The following PIKFYVE variants were observed in gnomAD, a reference collection of about 807,000 sequenced individuals.
The protein encoded by PIKFYVE is 1-phosphatidylinositol 3-phosphate 5-kinase.
PIKFYVE carries 122 observed loss-of-function variants against 257.9 expected under a neutral mutation model. The ratio of observed to expected loss-of-function variants is 0.47; its 90% confidence interval spans 0.41 to 0.55. The LOEUF (loss-of-function observed/expected upper bound fraction) is 0.55. PIKFYVE is among the 20% of genes least tolerant of loss of function. PIKFYVE has a pLI of 0.00. For missense variants in PIKFYVE, 2,160 were observed against 2,536.6 expected (o/e 0.85, Z 3.19); for synonymous variants, 892 against 868.9 (o/e 1.03, Z -0.47).
intron 7 of PIKFYVE, among the ~76,000 whole-genome samples, chr2:208,295,064 A>G (rs376969782): frequency 1.3e-5 from 2 of 152,318 alleles, no homozygotes; most frequent in Middle Eastern, 3.4e-3. Context: ...TTCCTACCCT[A>G]TTACTGGTTC....
At position 208,347,793 on chromosome 2, in the gene PIKFYVE, G is replaced by A. The variant is rs146793010; in HGVS notation, c.5210-66G>A. On this transcript the variant is annotated intron_variant, in intron 34 of 41. Transcript: ENST00000264380. Reference sequence around the variant, plus strand: ...GTTACAACTAACAAAGAAATGAGCTGAAAATTTTTATTTTTCATCTGTAGT... The same window carrying A: ...GTTACAACTAACAAAGAAATGAGCTAAAAATTTTTATTTTTCATCTGTAGT... 658 of 1,424,928 alleles carry A rather than the reference G, an allele frequency of 4.6e-4. 3 individuals are homozygous for A. The East Asian group carries it at 0.015, about 33-fold the overall frequency. 88.3% of individuals were successfully genotyped at this position (1,424,928 alleles called of 1,614,324 possible).
intron 1 of PIKFYVE, among the ~76,000 whole-genome samples, chr2:208,270,110 C>A (rs562766557): frequency 7.1e-6 from 1 of 140,564 alleles, no homozygotes; most frequent in Non-Finnish European, 1.5e-5. Flanking sequence ...GTGGCGTGAT[C>A]GGCTCGCTGT....
intron 21 of PIKFYVE, among the ~76,000 whole-genome samples, chr2:208,328,728 A>G (rs1012212232): frequency 6.6e-5 from 10 of 152,322 alleles, no homozygotes; most frequent in African/African-American, 1.9e-4. Flanking sequence ...ATTTGTAATA[A>G]TTTTATGTAT....
At chr2:208,276,342 T>G (rs16840827) in intron 3 of PIKFYVE, among the ~76,000 whole-genome samples, 5,693 of 152,276 alleles carry the variant, frequency 0.037, 333 homozygotes, top group African/African-American at 0.13. Context: ...CCTTGATTGC[T>G]TTTTCTTCTG....
chr2:208,325,221 T>C (rs1696782403), intron 19 of PIKFYVE, 49 bp from the exon 20 acceptor site: 7 of 1,583,414 alleles, frequency 4.4e-6, no homozygotes, highest in Non-Finnish European at 5.2e-6. Flanking sequence ...TTTGTACTTC[T>C]GGATTGCCAC....
At chr2:208,336,348 T>C in intron 27 of PIKFYVE, 148 bp downstream of exon 27, 1 of 912,292 alleles carries the variant, frequency 1.1e-6, no homozygotes, top group Non-Finnish European at 1.7e-6. Flanking sequence ...TCCTTTCCTC[T>C]TTATATTTTA....
chr2:208,290,527 C>T (rs1692179807), intron 7 of PIKFYVE, among the ~76,000 whole-genome samples: 1 of 152,228 alleles, frequency 6.6e-6, no homozygotes, highest in Non-Finnish European at 1.5e-5. Context: ...TACTGAAGGA[C>T]ATCTTGATTG....
intron 7 of PIKFYVE, among the ~76,000 whole-genome samples, chr2:208,297,740 C>T (rs1693164841): frequency 6.6e-6 from 1 of 151,626 alleles, no homozygotes; most frequent in Non-Finnish European, 1.5e-5. Flanking sequence ...GCCTTTTATC[C>T]TTTATGTGGA....
In PIKFYVE at chr2:208,325,667, T is replaced by C; in HGVS notation, c.2856T>C (p.Ser952=). ...ENKNLPQAVA[S]VKHQEHSTTA... ...AAAATCTTCCGCAGGCTGTTGCCTC[T>C]GTGAAGCATCAAGAACATAGCACAA... The change falls in exon 20 of 42, where the codon TCT becomes TCC. Residue 952 remains serine (S), a synonymous_variant. Transcript: ENST00000264380. The C allele has an allele frequency of 6.2e-7, 1 of 1,614,170 alleles. No homozygotes were observed. The highest frequency in any genetic ancestry group is 2.2e-5 in the East Asian group (1 of 44,866).
intron 12 of PIKFYVE, among the ~76,000 whole-genome samples, chr2:208,308,256 C>T (rs1425232009): frequency 6.6e-6 from 1 of 151,834 alleles, no homozygotes; most frequent in Non-Finnish European, 1.5e-5. Context: ...AAAAAATTAG[C>T]CGGGTGTGGT....
Position 208,302,318 on chromosome 2 carries a change from T to C in PIKFYVE, c.1285T>C (p.Phe429Leu). 6.2e-7 allele frequency: 1 copy of C among 1,614,150 alleles called. No homozygotes were observed. Among genetic ancestry groups the C allele is most frequent in the Non-Finnish European group, 8.5e-7 (1 of 1,179,996 alleles). The part of the protein sequence containing the change: ...LDCVSHHDQL[F>L]RDEYALYRPL... ...TTGTGTTAGTCATCACGACCAGCTT[T>C]TCAGAGATGAGTATGCGCTGTATAG... The change falls in exon 10 of 42, where the codon TTC becomes CTC. Residue 429 changes from phenylalanine (F) to leucine (L), a missense_variant. Phe to Leu is a conservative substitution (Grantham distance 22). Coordinates refer to ENST00000264380, the MANE Select transcript of PIKFYVE (RefSeq NM_015040.4).
intron 15 of PIKFYVE, 44 bp from the exon 16 acceptor site, chr2:208,317,823 C>T: frequency 1.3e-6 from 2 of 1,487,376 alleles, no homozygotes; most frequent in South Asian, 2.3e-5. Context: ...AGATTCTAAG[C>T]ATGTTATCAT....
At chr2:208,295,155 T>C (rs181520569) in intron 7 of PIKFYVE, among the ~76,000 whole-genome samples, 6 of 152,400 alleles carry the variant, frequency 3.9e-5, no homozygotes, top group African/African-American at 1.4e-4. Flanking sequence ...GGATTTGGCT[T>C]GTGACCTGAC....
At position 208,340,014 on chromosome 2, in the gene PIKFYVE, T is replaced by G. The variant is rs61752191; in HGVS notation, c.4814T>G (p.Val1605Gly). Reference sequence around the variant, plus strand: ...AGTAGACTATTTTTCATTTTAGATGTGTTTGATGGGCATTTGCTGGGATCC... The same window carrying G: ...AGTAGACTATTTTTCATTTTAGATGGGTTTGATGGGCATTTGCTGGGATCC... ...ELDTASSSEDVFDGHLLGSTD... is the reference protein window; with the variant it reads ...ELDTASSSEDGFDGHLLGSTD... The change falls in exon 31 of 42, where the codon GTG (valine) becomes GGG (glycine). Residue 1605 changes from valine to glycine, a missense_variant. By Grantham distance (109) the Val-to-Gly change is moderately radical. This residue lies in a region of PIKFYVE where 699 missense variants were observed against 855.8 expected (regional missense o/e 0.82). Coordinates refer to ENST00000264380, the MANE Select transcript of PIKFYVE (RefSeq NM_015040.4). 4.0e-3 allele frequency: 6,410 copies of G among 1,613,186 alleles called. 25 individuals carry two copies. The highest frequency in any genetic ancestry group is 4.8e-3 in the South Asian group (436 of 91,068).
At chr2:208,339,161 A>AG (rs1447314210) in intron 29 of PIKFYVE, among the ~76,000 whole-genome samples, 1 of 152,206 alleles carries the variant, frequency 6.6e-6, no homozygotes, top group Non-Finnish European at 1.5e-5. Context: ...TATAATGGAT[A>AG]GCGTGTTGGA....
chr2:208,285,583 T>G (rs1691466065), intron 5 of PIKFYVE, 143 bp from the exon 6 acceptor site: 2 of 699,396 alleles, frequency 2.9e-6, no homozygotes. Context: ...TAAAATGTCT[T>G]TTTTTGAGAG....
Position 208,308,377 on chromosome 2 carries a change from G to A in PIKFYVE, c.1636+3364G>A, listed in dbSNP as rs117081190. ...GATTTTGCCACTGCAGTCCAGCCTC[G>A]GTGACAGAGTGAGACTTTATCTAAA... On this transcript the variant is annotated intron_variant, in intron 12 of 41. Transcript: ENST00000264380. 2.5e-4 allele frequency among the ~76,000 whole-genome samples: 37 copies of A among 149,382 alleles called. No individual in the cohort carries two copies. In the East Asian group the frequency reaches 6.9e-3, roughly 28 times the overall value.
intron 12 of PIKFYVE, chr2:208,305,377 C>A: frequency 8.9e-7 from 1 of 1,121,748 alleles, no homozygotes; most frequent in Non-Finnish European, 1.1e-6. Flanking sequence ...CATTTTAAAG[C>A]CTATTTGCCT....
intron 3 of PIKFYVE, chr2:208,274,093 T>A (rs1689783888): frequency 1.3e-6 from 2 of 1,595,388 alleles, no homozygotes; most frequent in Non-Finnish European, 1.7e-6. Flanking sequence ...CATCTGTTCT[T>A]GGGGTGCTAG....
Sources: allele counts gnomAD v4.1 joint callset (sites outside exome capture counted in the v4.1 genomes callset), GRCh38; gene constraint gnomAD v4.1.1; regional missense constraint gnomAD v4.1.1; transcripts MANE v1.5; gene names NCBI Gene and HGNC (gene_info 2026-07-23, HGNC 2026-07-21).